SLC44A5: variants seen among roughly 807,000 people sequenced by gnomAD.
SLC44A5 encodes the protein solute carrier family 44 member 5.
A neutral mutation model predicts 101.8 loss-of-function variants in SLC44A5; 57 were observed. That is an observed-to-expected ratio of 0.56 (90% CI 0.45 to 0.70). The LOEUF (loss-of-function observed/expected upper bound fraction) is 0.70. SLC44A5 is among the 30% of genes least tolerant of loss of function. SLC44A5 has a pLI of 0.00. For synonymous variants in SLC44A5, 281 were observed against 290.9 expected (o/e 0.97, Z 0.35); for missense variants, 737 against 853.1 (o/e 0.86, Z 1.70).
Position 75,308,934 on chromosome 1 carries a change from T to A in SLC44A5, c.102-8249A>T, listed in dbSNP as rs992444365. 3.3e-5 allele frequency among the ~76,000 whole-genome samples: 5 copies of A among 152,164 alleles called. No homozygotes were observed. In the East Asian group the frequency reaches 9.6e-4, roughly 29 times the overall value. On this transcript the variant is annotated intron_variant, in intron 4 of 23. Transcript: ENST00000370859. Reference sequence around the variant, plus strand: ...AGTGAGGAGATTACTATTTGTCACCTCAAATTTTAATAAGTAAATAAAAAA... The same window carrying A: ...AGTGAGGAGATTACTATTTGTCACCACAAATTTTAATAAGTAAATAAAAAA...
intron 6 of SLC44A5, among the ~76,000 whole-genome samples, chr1:75,265,444 G>T (rs1650906570): frequency 6.6e-6 from 1 of 152,110 alleles, no homozygotes; most frequent in Non-Finnish European, 1.5e-5. Flanking sequence ...TGGGTTAATG[G>T]TTAATGGGTA....
chr1:75,438,642 A>G (rs929211133), intron 2 of SLC44A5, among the ~76,000 whole-genome samples: 1 of 152,122 alleles, frequency 6.6e-6, no homozygotes. Flanking sequence ...CAGATTCTCA[A>G]ATTAGTCCAG....
chr1:75,466,460 G>A (rs962657586), intron 2 of SLC44A5, among the ~76,000 whole-genome samples: 3 of 151,948 alleles, frequency 2.0e-5, no homozygotes, highest in African/African-American at 4.8e-5. Flanking sequence ...TTTGAGACCA[G>A]CCTGGCCAAC....
the SLC44A5 span, among the ~76,000 whole-genome samples, chr1:75,638,420 A>G: frequency 6.6e-6 from 1 of 152,216 alleles, no homozygotes; most frequent in Non-Finnish European, 1.5e-5. Flanking sequence ...TAGGATCTTA[A>G]TATCAAAACA....
the SLC44A5 span, among the ~76,000 whole-genome samples, chr1:75,696,478 C>A: frequency 1.3e-5 from 2 of 152,130 alleles, no homozygotes; most frequent in African/African-American, 4.8e-5. Context: ...AGAGAAGTTG[C>A]TAGTGATTCA....
At chr1:75,409,487 A>T (rs909495516) in intron 2 of SLC44A5, among the ~76,000 whole-genome samples, 1 of 152,166 alleles carries the variant, frequency 6.6e-6, no homozygotes, top group Non-Finnish European at 1.5e-5. Flanking sequence ...CTACCCTGTT[A>T]GAACAGAGTG....
intron 6 of SLC44A5, among the ~76,000 whole-genome samples, chr1:75,257,022 A>G (rs1204203397): frequency 6.6e-6 from 1 of 152,202 alleles, no homozygotes; most frequent in Non-Finnish European, 1.5e-5. Context: ...CTGCCAGAAG[A>G]ACTAAAACCA....
chr1:75,409,070 TA>T (rs777721865), intron 2 of SLC44A5, among the ~76,000 whole-genome samples: 5 of 152,268 alleles, frequency 3.3e-5, no homozygotes, highest in Non-Finnish European at 7.4e-5. Context: ...TGGAGGCCAT[TA>T]TCCTAAGTGA....
At chr1:75,433,420 G>C (rs1166419822) in intron 2 of SLC44A5, among the ~76,000 whole-genome samples, 1 of 152,028 alleles carries the variant, frequency 6.6e-6, no homozygotes, top group African/African-American at 2.4e-5. Flanking sequence ...GCCCTCATTA[G>C]GAATACTCTC....
intron 2 of SLC44A5, among the ~76,000 whole-genome samples, chr1:75,459,060 G>A (rs1303407126): frequency 6.6e-6 from 1 of 152,122 alleles, no homozygotes; most frequent in Non-Finnish European, 1.5e-5. Context: ...AAAAGATATT[G>A]GTGAGGGATA....
chr1:75,318,073 G>T (rs1431094096), intron 4 of SLC44A5, among the ~76,000 whole-genome samples: 1 of 152,156 alleles, frequency 6.6e-6, no homozygotes, highest in Middle Eastern at 3.4e-3. Context: ...GTTGAAGTTG[G>T]TCATTTAAAT....
At chr1:75,360,530 T>G (rs1051889087) in intron 3 of SLC44A5, among the ~76,000 whole-genome samples, 9 of 152,148 alleles carry the variant, frequency 5.9e-5, no homozygotes, top group Admixed American at 5.2e-4. Context: ...CATTTGGATA[T>G]CCAGTTTTCC....
chr1:75,502,549 TTTG>T (rs1363501431), intron 2 of SLC44A5, among the ~76,000 whole-genome samples: 1 of 148,146 alleles, frequency 6.8e-6, no homozygotes, highest in Non-Finnish European at 1.5e-5. Context: ...TTCTTTTTTA[TTTG>T]TTTATTTTTT....
intron 3 of SLC44A5, among the ~76,000 whole-genome samples, chr1:75,352,193 T>C (rs1428522229): frequency 1.3e-5 from 2 of 152,146 alleles, no homozygotes; most frequent in African/African-American, 4.8e-5. Flanking sequence ...TTTGTCTCTT[T>C]TTTTTCTTCA....
At chr1:75,613,008 G>T (rs535080755), upstream of SLC44A5, among the ~76,000 whole-genome samples, 118 of 152,284 alleles carry the variant, frequency 7.7e-4, no homozygotes, top group African/African-American at 2.8e-3. Context: ...TGTCCCTTGA[G>T]AAATCCTGCC....
chr1:75,319,408 G>C (rs983424125), intron 4 of SLC44A5, among the ~76,000 whole-genome samples: 11 of 152,130 alleles, frequency 7.2e-5, no homozygotes, highest in Admixed American at 7.2e-4. Flanking sequence ...TTGCAGCATG[G>C]ACCTCAATAA....
rs536368929 is a variant in SLC44A5 at position 75,412,438 on chromosome 1, T to C, written c.14-15817A>G. Among the ~76,000 whole-genome samples the C allele has an allele frequency of 3.3e-5, 5 of 152,242 alleles. No homozygotes were observed. In the South Asian group the frequency reaches 1.0e-3, roughly 32 times the overall value. On this transcript the variant is annotated intron_variant, in intron 2 of 23. Transcript: ENST00000370859. ...CTATGCATTGAGCTTAGATCGAACC[T>C]CAGAATCCTTCTCAATACAGCAGAC...
the SLC44A5 span, among the ~76,000 whole-genome samples, chr1:75,624,105 G>A: frequency 3.3e-5 from 5 of 152,096 alleles, no homozygotes; most frequent in African/African-American, 1.2e-4. Context: ...ATGTTAAAAG[G>A]ACAAAGGAGC....
chr1:75,491,080 C>T (rs924456093), intron 2 of SLC44A5, among the ~76,000 whole-genome samples: 4 of 152,156 alleles, frequency 2.6e-5, no homozygotes, highest in Non-Finnish European at 5.9e-5. Flanking sequence ...TCAAAGCCAT[C>T]GTAGTAACCC....
Sources: allele counts gnomAD v4.1 joint callset (sites outside exome capture counted in the v4.1 genomes callset), GRCh38; gene constraint gnomAD v4.1.1; transcripts MANE v1.5; gene names NCBI Gene and HGNC (gene_info 2026-07-23, HGNC 2026-07-21).